Variants in ASPRV1 observed in about 807,000 individuals in gnomAD.
ASPRV1 encodes the protein retroviral-like aspartic protease 1.
A neutral mutation model predicts 11.0 loss-of-function variants in ASPRV1; 7 were observed. The observed-to-expected ratio is 0.64, with a 90% confidence interval of 0.36 to 1.20. The LOEUF (loss-of-function observed/expected upper bound fraction) is 1.20. ASPRV1 is among the 50% of genes most tolerant of loss of function. The pLI is 0.02. For synonymous variants in ASPRV1, 136 were observed against 138.4 expected, an observed-to-expected ratio of 0.98 and a Z score of 0.12; for missense variants, 299 against 320.0, an observed-to-expected ratio of 0.93 and a Z score of 0.50.
At chr2:70,012,448 C>T in the ASPRV1 span, among the ~76,000 whole-genome samples, 1 of 152,166 alleles carries the variant, frequency 6.6e-6, no homozygotes, top group African/African-American at 2.4e-5. Flanking sequence ...GCCACCGCGC[C>T]CGGCCAAGGT....
the ASPRV1 span, among the ~76,000 whole-genome samples, chr2:69,949,254 C>CAAAT: frequency 6.6e-6 from 1 of 150,570 alleles, no homozygotes; most frequent in Non-Finnish European, 1.5e-5. Context: ...GATGGATGGG[C>CAAAT]GAATGAATGA....
chr2:70,069,482 A>ATCC, the ASPRV1 span: 1 of 152,218 alleles, frequency 6.6e-6, no homozygotes, highest in Admixed American at 6.5e-5. Flanking sequence ...GACCACATTT[A>ATCC]TCCAACTCCT....
the ASPRV1 span, among the ~76,000 whole-genome samples, chr2:69,969,356 T>C: frequency 6.6e-6 from 1 of 152,166 alleles, no homozygotes; most frequent in Admixed American, 6.5e-5. Context: ...GCCAGGGACA[T>C]TGGCGGTTCC....
At chr2:70,085,654 A>ATG in the ASPRV1 span, 1 of 152,160 alleles carries the variant, frequency 6.6e-6, no homozygotes, top group East Asian at 1.9e-4. Flanking sequence ...AGAGAGAGAG[A>ATG]TAAGAACACC....
chr2:70,035,316 T>A, the ASPRV1 span, among the ~76,000 whole-genome samples: 2 of 152,124 alleles, frequency 1.3e-5, no homozygotes, highest in East Asian at 3.9e-4. Context: ...AAAACACTCC[T>A]CTGTGGAATT....
the ASPRV1 span, chr2:69,937,019 G>A: frequency 1.5e-6 from 1 of 679,184 alleles, no homozygotes; most frequent in Non-Finnish European, 2.7e-6. Context: ...CCTGTGACAG[G>A]ACAAGTACCC....
chr2:70,043,589 A>T, the ASPRV1 span, among the ~76,000 whole-genome samples: 1 of 152,206 alleles, frequency 6.6e-6, no homozygotes, highest in African/African-American at 2.4e-5. Flanking sequence ...GCTTTCTGGT[A>T]AATTTCTTAG....
the ASPRV1 span, among the ~76,000 whole-genome samples, chr2:69,999,514 G>A: frequency 6.6e-6 from 1 of 151,844 alleles, no homozygotes; most frequent in Non-Finnish European, 1.5e-5. Flanking sequence ...AAACTAGCCG[G>A]TGTGGTGGGG....
downstream of ASPRV1, among the ~76,000 whole-genome samples, chr2:69,958,845 G>A (rs544527726): frequency 3.9e-5 from 6 of 152,214 alleles, no homozygotes; most frequent in Middle Eastern, 3.4e-3. Flanking sequence ...CCCTTCTCCA[G>A]TTCTCCCACC....
chr2:70,040,371 CTCTT>C, the ASPRV1 span, among the ~76,000 whole-genome samples: 20 of 152,192 alleles, frequency 1.3e-4, no homozygotes, highest in East Asian at 2.7e-3. Context: ...AAGACTTTGT[CTCTT>C]TATTTATTTT....
the ASPRV1 span, among the ~76,000 whole-genome samples, chr2:70,007,750 A>G: frequency 9.9e-5 from 15 of 152,152 alleles, no homozygotes; most frequent in African/African-American, 3.4e-4. Flanking sequence ...GAAGCTCATT[A>G]TATCTAGGGA....
chr2:70,047,172 A>T, the ASPRV1 span, among the ~76,000 whole-genome samples: 2 of 152,206 alleles, frequency 1.3e-5, no homozygotes, highest in Non-Finnish European at 2.9e-5. Context: ...AGCAAACAAA[A>T]GAGATGTGGT....
chr2:69,971,821 G>A, the ASPRV1 span, among the ~76,000 whole-genome samples: 16 of 152,246 alleles, frequency 1.1e-4, no homozygotes, highest in Non-Finnish European at 4.4e-5. Flanking sequence ...GTGCCTCTGC[G>A]CAGTCTTTGG....
chr2:70,040,071 C>A, the ASPRV1 span, among the ~76,000 whole-genome samples: 1 of 152,090 alleles, frequency 6.6e-6, no homozygotes, highest in African/African-American at 2.4e-5. Context: ...GTTACAATGC[C>A]AATAGTGTTT....
At chr2:70,025,205 T>C in the ASPRV1 span, among the ~76,000 whole-genome samples, 21 of 152,172 alleles carry the variant, frequency 1.4e-4, no homozygotes, top group Admixed American at 4.6e-4. Flanking sequence ...TGAATGTGTG[T>C]GTGTTGGGGA....
At chr2:69,978,061 G>A in the ASPRV1 span, among the ~76,000 whole-genome samples, 1 of 152,200 alleles carries the variant, frequency 6.6e-6, no homozygotes, top group Non-Finnish European at 1.5e-5. Context: ...GCAGGCTGGG[G>A]CCCTATGGGC....
At chr2:69,953,317 G>A in the ASPRV1 span, among the ~76,000 whole-genome samples, 1 of 152,214 alleles carries the variant, frequency 6.6e-6, no homozygotes, top group African/African-American at 2.4e-5. Context: ...CAGTCCTGGG[G>A]ATAACTGGCA....
At chr2:70,056,603 T>TTA in the ASPRV1 span, 2 of 3,308 alleles carry the variant, frequency 6.0e-4, no homozygotes, top group Non-Finnish European at 1.1e-3. Flanking sequence ...AGACTCCGTC[T>TTA]CAAAAAAAAA....
the ASPRV1 span, chr2:70,049,736 C>G: frequency 5.9e-5 from 9 of 152,198 alleles, no homozygotes; most frequent in African/African-American, 2.2e-4. Flanking sequence ...AGTCTCATCA[C>G]TTACAATTCA....
Sources: allele counts gnomAD v4.1 joint callset (sites outside exome capture counted in the v4.1 genomes callset), GRCh38; gene constraint gnomAD v4.1.1; transcripts MANE v1.5; gene names NCBI Gene and HGNC (gene_info 2026-07-23, HGNC 2026-07-21).